ANTXR2: variants seen among roughly 807,000 people sequenced by gnomAD.
The protein encoded by ANTXR2 is anthrax toxin receptor 2.
ANTXR2 carries 44 observed loss-of-function variants against 73.7 expected under a neutral mutation model. The ratio of observed to expected loss-of-function variants is 0.60; its 90% CI spans 0.47 to 0.77. The LOEUF is 0.77. Among genes scored for constraint, ANTXR2 ranks in the 30% least tolerant of loss-of-function variants. The probability of loss-of-function intolerance (pLI) is 0.00; values close to 1 mark genes in which losing one functional copy is unlikely to be tolerated. For missense variants in ANTXR2, 604 were observed against 592.5 expected (o/e 1.02, Z -0.20); for synonymous variants, 217 against 205.9 (o/e 1.05, Z -0.46).
intron 14 of ANTXR2, among the ~76,000 whole-genome samples, chr4:79,978,601 G>A (rs1249355875): frequency 6.6e-6 from 1 of 152,204 alleles, no homozygotes; most frequent in Non-Finnish European, 1.5e-5. Flanking sequence ...CATTTACTGA[G>A]TGATTACTAT....
chr4:79,937,280 A>G lies in ANTXR2; in HGVS notation c.1429-29813T>C, dbSNP rs187386864. Among the ~76,000 whole-genome samples the G allele has an allele frequency of 9.2e-5, 14 of 152,346 alleles. No individual in the cohort carries two copies. The East Asian group carries it at 2.7e-3, about 29-fold the overall frequency. On this transcript the variant is annotated intron_variant, in intron 16 of 16. Coordinates refer to ENST00000403729, the MANE Select transcript of ANTXR2 (RefSeq NM_058172.6). ...GCTCAACTAAGTTCCTTGAAAATTAATTACATATAATCATTTAAAACAGCA... is the reference window on the plus strand; with the variant it reads ...GCTCAACTAAGTTCCTTGAAAATTAGTTACATATAATCATTTAAAACAGCA...
At chr4:79,966,790 TCAC>T (rs1328422250) in intron 16 of ANTXR2, among the ~76,000 whole-genome samples, 4 of 152,194 alleles carry the variant, frequency 2.6e-5, no homozygotes, top group African/African-American at 9.7e-5. Context: ...CTTAAAAAAA[TCAC>T]TGAAATATTT....
intron 16 of ANTXR2, among the ~76,000 whole-genome samples, chr4:79,932,388 A>C (rs1478421901): frequency 1.3e-5 from 2 of 152,102 alleles, no homozygotes; most frequent in African/African-American, 4.8e-5. Context: ...GTTAAATTTT[A>C]AATACAAGCA....
At chr4:80,036,482 C>T (rs1232267515) in intron 7 of ANTXR2, among the ~76,000 whole-genome samples, 3 of 151,946 alleles carry the variant, frequency 2.0e-5, no homozygotes, top group African/African-American at 7.3e-5. Flanking sequence ...TGACTGGGTG[C>T]GGTGGTTCAA....
chr4:79,961,578 G>T (rs1289137714), intron 16 of ANTXR2, among the ~76,000 whole-genome samples: 1 of 152,018 alleles, frequency 6.6e-6, no homozygotes, highest in Non-Finnish European at 1.5e-5. Flanking sequence ...GGTACTACAG[G>T]CATGTTCCAC....
At chr4:79,992,230 A>C (rs1028513247) in intron 12 of ANTXR2, among the ~76,000 whole-genome samples, 1 of 152,008 alleles carries the variant, frequency 6.6e-6, no homozygotes, top group African/African-American at 2.4e-5. Context: ...TACATATATT[A>C]GTCTCTCTCT....
rs1192478298 is a variant in ANTXR2 at position 80,032,055 on chromosome 4, AAGTT to A, written c.797-367_797-364del. Among the ~76,000 whole-genome samples, 6 of 151,932 alleles carry A rather than the reference AAGTT, an allele frequency of 3.9e-5. No homozygotes were observed. The East Asian group carries it at 9.6e-4, about 24-fold the overall frequency. ...CTTTAGAAAAGATGAAGGAAGGTGA[AAGTT>A]AGATGTCCAAAGGAAAATGAACTTA... On this transcript the variant is annotated intron_variant, in intron 9 of 16. Coordinates refer to ENST00000403729, the MANE Select transcript of ANTXR2 (RefSeq NM_058172.6).
chr4:80,071,755 C>T (rs1256820191), intron 1 of ANTXR2, 101 bp from the exon 2 acceptor site: 4 of 933,112 alleles, frequency 4.3e-6, no homozygotes, highest in Non-Finnish European at 6.7e-6. Flanking sequence ...ATAGGGGCAC[C>T]TGGCCTCTTT....
intron 12 of ANTXR2, among the ~76,000 whole-genome samples, chr4:79,990,551 T>C (rs1730421727): frequency 6.6e-6 from 1 of 152,100 alleles, no homozygotes; most frequent in Non-Finnish European, 1.5e-5. Context: ...AAAATAGCCA[T>C]ATTGCCCAAA....
intron 3 of ANTXR2, among the ~76,000 whole-genome samples, chr4:80,064,543 T>C (rs1734409880): frequency 6.6e-6 from 1 of 152,128 alleles, no homozygotes; most frequent in Non-Finnish European, 1.5e-5. Flanking sequence ...AAGATAAAAA[T>C]AAATTAACCA....
intron 16 of ANTXR2, among the ~76,000 whole-genome samples, chr4:79,947,687 T>G (rs1413330675): frequency 6.6e-6 from 1 of 152,196 alleles, no homozygotes; most frequent in Non-Finnish European, 1.5e-5. Flanking sequence ...AAGGTCACTT[T>G]TGAGTGATAA....
chr4:80,059,756 G>T (rs1318555923), intron 3 of ANTXR2, among the ~76,000 whole-genome samples: 1 of 152,054 alleles, frequency 6.6e-6, no homozygotes. Flanking sequence ...GGAGAGGGGA[G>T]AAGAGGAGAG....
intron 16 of ANTXR2, among the ~76,000 whole-genome samples, chr4:79,937,587 T>G (rs1728319889): frequency 6.6e-6 from 1 of 152,218 alleles, no homozygotes; most frequent in South Asian, 2.1e-4. Context: ...TGTTCCGTTA[T>G]CTAAACTAGA....
intron 12 of ANTXR2, among the ~76,000 whole-genome samples, chr4:79,987,021 T>G (rs1730197093): frequency 6.6e-6 from 1 of 151,802 alleles, no homozygotes; most frequent in African/African-American, 2.4e-5. Flanking sequence ...TGTCAAAAAG[T>G]AAAGGAAAAT....
At chr4:80,066,559 T>A (rs550558457) in intron 3 of ANTXR2, among the ~76,000 whole-genome samples, 1 of 152,398 alleles carries the variant, frequency 6.6e-6, no homozygotes, top group South Asian at 2.1e-4. Context: ...ATTTTCTTTA[T>A]GTAAGCATGA....
At position 79,902,681 on chromosome 4, in the gene ANTXR2, A is replaced by G. The variant is rs185194427; in HGVS notation, c.*4748T>C. ...AAATTTAATTATAAGAAATTAACTA[A>G]GAAATTATTATGGCTAATTATCAAC... On this transcript the variant is annotated 3_prime_UTR_variant, in exon 17 of 17. Transcript: ENST00000403729. 10 of 152,182 alleles carry G rather than the reference A, an allele frequency of 6.6e-5. No individual in the cohort carries two copies. The highest frequency in any genetic ancestry group is 1.3e-4 in the Non-Finnish European group (9 of 67,992). The allele number at this position is 152,182 out of a possible 1,614,324, so 9.4% of individuals were successfully genotyped here.
intron 12 of ANTXR2, among the ~76,000 whole-genome samples, chr4:79,999,544 A>T (rs891500480): frequency 6.6e-6 from 1 of 152,066 alleles, no homozygotes; most frequent in Non-Finnish European, 1.5e-5. Flanking sequence ...CAGTCTGGTG[A>T]ATCTATCCCA....
At chr4:80,013,726 TA>T (rs1320146812) in intron 11 of ANTXR2, among the ~76,000 whole-genome samples, 1 of 152,178 alleles carries the variant, frequency 6.6e-6, no homozygotes, top group Admixed American at 6.5e-5. Flanking sequence ...ATTTCATACA[TA>T]AATCAGCAGG....
chr4:80,071,507 A>G, intron 2 of ANTXR2, 76 bp downstream of exon 2: 1 of 1,292,732 alleles, frequency 7.7e-7, no homozygotes, highest in Non-Finnish European at 1.1e-6. Context: ...TTTTCCTATA[A>G]AAGGTTTCAG....
Sources: gnomAD v4.1 joint callset for allele counts (sites outside exome capture counted in the v4.1 genomes callset) on GRCh38, gnomAD v4.1.1 for gene constraint, MANE v1.5 for transcripts, NCBI Gene and HGNC (gene_info 2026-07-23, HGNC 2026-07-21) for gene names.